Variants in ZBTB8A observed in about 807,000 individuals in gnomAD.
ZBTB8A encodes zinc finger and BTB domain-containing protein 8A.
Under a neutral mutation model 37.8 loss-of-function variants are expected in ZBTB8A, and 19 were observed. The ratio of observed to expected loss-of-function variants is 0.50; its 90% CI spans 0.35 to 0.74. The LOEUF (loss-of-function observed/expected upper bound fraction) is 0.74. ZBTB8A is among the 30% of genes least tolerant of loss of function. The pLI is 0.01. For synonymous variants in ZBTB8A, 181 were observed against 185.2 expected (o/e 0.98, Z 0.19); for missense variants, 394 against 537.8 (o/e 0.73, Z 2.65).
At chr1:32,590,563 T>C (rs1644480687) in intron 2 of ZBTB8A, among the ~76,000 whole-genome samples, 2 of 152,304 alleles carry the variant, frequency 1.3e-5, no homozygotes, top group South Asian at 2.1e-4. Flanking sequence ...TCCGCTTAGC[T>C]GGCATCTAGG....
chr1:32,546,408 C>T (rs1028556001), intron 1 of ZBTB8A, among the ~76,000 whole-genome samples: 1 of 151,686 alleles, frequency 6.6e-6, no homozygotes, highest in African/African-American at 2.4e-5. Flanking sequence ...CATGCCACTG[C>T]ACTCCAGCCT....
Position 32,602,088 on chromosome 1 carries a change from G to C in ZBTB8A, c.*1669G>C, listed in dbSNP as rs1157194024. 1 of 152,796 alleles carries C rather than the reference G, an allele frequency of 6.5e-6. No individual in the cohort carries two copies. The highest frequency in any genetic ancestry group is 6.5e-5 in the Admixed American group (1 of 15,286). 9.5% of individuals were successfully genotyped at this position (152,796 alleles called of 1,614,324 possible). On this transcript the variant is annotated 3_prime_UTR_variant, in exon 5 of 5. Coordinates refer to ENST00000373510, the MANE Select transcript of ZBTB8A (RefSeq NM_001040441.3). ...CTCACGCCTGTAATCCCAGCACTTT[G>C]GGAGGCTGAGGCAGGTGGATCACCG...
At position 32,601,810 on chromosome 1, in the gene ZBTB8A, A is replaced by C; in HGVS notation, c.*1391A>C. ...AAAGTATGAAAGGAGGAATTGAATC[A>C]TTTTCAACAACATACAATATCTTGA... On this transcript the variant is annotated 3_prime_UTR_variant, in exon 5 of 5. Transcript: ENST00000373510. The C allele has an allele frequency of 2.5e-6, 1 of 397,092 alleles. No homozygotes were observed. Among genetic ancestry groups the C allele is most frequent in the Non-Finnish European group, 4.4e-6 (1 of 225,530 alleles). 24.6% of individuals were successfully genotyped at this position (397,092 alleles called of 1,614,324 possible).
At position 32,593,737 on chromosome 1, in the gene ZBTB8A, C is replaced by A. The variant is rs746561847; in HGVS notation, c.806C>A (p.Thr269Lys). The change falls in exon 3 of 5, where the codon ACA becomes AAA. Residue 269 changes from threonine to lysine, a missense_variant. Thr to Lys is a moderately conservative substitution (Grantham distance 78, BLOSUM62 -1). Around this residue, in one of 4 missense-constraint regions of ZBTB8A, gnomAD observed 171 missense variants for 186.8 expected, o/e 0.92. Coordinates refer to ENST00000373510, the MANE Select transcript of ZBTB8A (RefSeq NM_001040441.3). Reference protein sequence around the residue: ...GYQYGQGSDVTSKSFPDDLPR... With the variant: ...GYQYGQGSDVKSKSFPDDLPR... ...CAGTACGGTCAAGGATCTGATGTCA[C>A]ATCCAAAAGCTTTCCAGGTACCCAA... 135 of 1,608,696 alleles carry A rather than the reference C, an allele frequency of 8.4e-5. 4 individuals carry two copies. The South Asian group carries it at 1.2e-3, about 15-fold the overall frequency.
intron 2 of ZBTB8A, among the ~76,000 whole-genome samples, chr1:32,589,243 GT>G (rs911836559): frequency 6.6e-6 from 1 of 151,908 alleles, no homozygotes; most frequent in Admixed American, 6.6e-5. Flanking sequence ...GGAAGTTTTT[GT>G]TGGCACATGT....
intron 2 of ZBTB8A, among the ~76,000 whole-genome samples, chr1:32,576,429 C>G (rs557909831): frequency 6.6e-6 from 1 of 152,010 alleles, no homozygotes; most frequent in Non-Finnish European, 1.5e-5. Context: ...ACTAAAGCTC[C>G]GTTCATTTTT....
Position 32,601,462 on chromosome 1 carries a change from G to A in ZBTB8A, c.*1043G>A, listed in dbSNP as rs1356386619. The A allele has an allele frequency of 2.1e-5, 8 of 386,396 alleles. No individual in the cohort carries two copies. The highest frequency in any genetic ancestry group is 9.0e-5 in the Admixed American group (2 of 22,262). 23.9% of individuals were successfully genotyped at this position (386,396 alleles called of 1,614,324 possible). A position where few individuals can be genotyped will look rare whatever the true frequency, so the allele number is the denominator to read the frequency against. On this transcript the variant is annotated 3_prime_UTR_variant, in exon 5 of 5. Transcript: ENST00000373510. ...GCACTCCAGCCTGGGCAACAAGAGC[G>A]AAACTCCGTCTCAAAAAAAAAAGGA...
chr1:32,585,783 A>G (rs1398541859), intron 2 of ZBTB8A, among the ~76,000 whole-genome samples: 2 of 152,032 alleles, frequency 1.3e-5, no homozygotes, highest in Non-Finnish European at 2.9e-5. Context: ...TGGGTGGATC[A>G]CCTGAAGTCA....
At chr1:32,548,939 T>A (rs989129528) in intron 1 of ZBTB8A, among the ~76,000 whole-genome samples, 15 of 152,242 alleles carry the variant, frequency 9.9e-5, no homozygotes, top group Non-Finnish European at 1.6e-4. Flanking sequence ...ATGCCTGTAA[T>A]CCCAGCACTT....
intron 4 of ZBTB8A, among the ~76,000 whole-genome samples, chr1:32,597,580 G>T (rs745709254): frequency 3.3e-5 from 5 of 152,172 alleles, no homozygotes; most frequent in African/African-American, 4.8e-5. Context: ...TTAGTGGAAA[G>T]TGAAATTAGA....
rs535172310 is a variant in ZBTB8A at position 32,590,327 on chromosome 1, ATC to A, written c.-1-2601_-1-2600del. ...ACAAGGCAAACCACTGGGCTTCAGTATCTCACCTAAGGCCTTTTTTTTCCCTA... is the reference window on the plus strand; with the variant it reads ...ACAAGGCAAACCACTGGGCTTCAGTATCACCTAAGGCCTTTTTTTTCCCTA... On this transcript the variant is annotated intron_variant, in intron 2 of 4. Transcript: ENST00000373510. Among the ~76,000 whole-genome samples, 650 of 148,878 alleles carry A rather than the reference ATC, an allele frequency of 4.4e-3. 5 individuals carry two copies. Among genetic ancestry groups the A allele is most frequent in the Non-Finnish European group, 5.4e-3 (359 of 66,948 alleles).
rs1644577766 is a variant in ZBTB8A at position 32,601,747 on chromosome 1, G to A, written c.*1328G>A. On this transcript the variant is annotated 3_prime_UTR_variant, in exon 5 of 5. Transcript: ENST00000373510. ...AAAGAATAGAAGTCAAACCTCACCA[G>A]TTGGCAGTCATTATAAAAATAAGCC... 2.5e-6 allele frequency: 1 copy of A among 398,200 alleles called. No individual in the cohort carries two copies. The highest frequency in any genetic ancestry group is 4.4e-6 in the Non-Finnish European group (1 of 225,934). The allele number at this position is 398,200 out of a possible 1,614,324, so 24.7% of individuals were successfully genotyped here.
chr1:32,572,675 G>T (rs1263194513), intron 2 of ZBTB8A, among the ~76,000 whole-genome samples: 4 of 152,114 alleles, frequency 2.6e-5, no homozygotes, highest in African/African-American at 9.7e-5. Context: ...GGGATTACAG[G>T]CATGAACCAC....
intron 2 of ZBTB8A, among the ~76,000 whole-genome samples, chr1:32,586,147 G>A (rs746262090): frequency 6.6e-6 from 1 of 151,538 alleles, no homozygotes; most frequent in Non-Finnish European, 1.5e-5. Context: ...GAGAAACCCC[G>A]TCTGTACTTA....
chr1:32,597,641 A>G (rs1163093182), intron 4 of ZBTB8A, among the ~76,000 whole-genome samples: 1 of 152,214 alleles, frequency 6.6e-6, no homozygotes. Context: ...CTTTTACACT[A>G]TTTCAGTGGA....
At chr1:32,547,772 G>A (rs1388450407) in intron 1 of ZBTB8A, among the ~76,000 whole-genome samples, 1 of 140,208 alleles carries the variant, frequency 7.1e-6, no homozygotes, top group Non-Finnish European at 1.5e-5. Flanking sequence ...TCTCACCACT[G>A]CACTCCAGCC....
intron 1 of ZBTB8A, among the ~76,000 whole-genome samples, chr1:32,545,464 T>A (rs1385835651): frequency 6.6e-6 from 1 of 152,152 alleles, no homozygotes; most frequent in Non-Finnish European, 1.5e-5. Context: ...ATAACCTCAT[T>A]TTACAAAAAG....
chr1:32,584,315 G>A (rs1644429361), intron 2 of ZBTB8A, among the ~76,000 whole-genome samples: 1 of 152,030 alleles, frequency 6.6e-6, no homozygotes. Context: ...AAGTTACCTA[G>A]TTTGTGGTAC....
intron 2 of ZBTB8A, among the ~76,000 whole-genome samples, chr1:32,557,451 A>G (rs1393961332): frequency 6.6e-6 from 1 of 152,232 alleles, no homozygotes; most frequent in Non-Finnish European, 1.5e-5. Flanking sequence ...TTAAATAAAC[A>G]TTAAATAACA....
Sources: gnomAD v4.1 joint callset for allele counts (sites outside exome capture counted in the v4.1 genomes callset) on GRCh38, gnomAD v4.1.1 for gene constraint, gnomAD v4.1.1 regional missense constraint, MANE v1.5 for transcripts, NCBI Gene and HGNC (gene_info 2026-07-23, HGNC 2026-07-21) for gene names.